The following TCF7L1 variants were observed in gnomAD, a reference collection of about 807,000 sequenced individuals.
TCF7L1 encodes the protein transcription factor 7 like 1.
A neutral mutation model predicts 63.7 loss-of-function variants in TCF7L1; 18 were observed. That is an observed-to-expected ratio of 0.28 (90% CI 0.20 to 0.42). TCF7L1 has a LOEUF of 0.42. Ranked by LOEUF, TCF7L1 falls within the 10% of genes least tolerant of loss-of-function variation. TCF7L1 has a pLI of 1.00. For missense variants in TCF7L1, 654 were observed against 779.3 expected (o/e 0.84, Z 1.91); for synonymous variants, 355 against 340.9 (o/e 1.04, Z -0.46).
intron 3 of TCF7L1, among the ~76,000 whole-genome samples, chr2:85,145,496 C>T (rs1677857012): frequency 6.6e-6 from 1 of 152,218 alleles, no homozygotes; most frequent in Admixed American, 6.5e-5. Flanking sequence ...GGACTACACT[C>T]CCCTCTGTAA....
chr2:85,248,022 T>C (rs1321237724), intron 3 of TCF7L1, among the ~76,000 whole-genome samples: 2 of 152,174 alleles, frequency 1.3e-5, no homozygotes, highest in Admixed American at 6.6e-5. Context: ...TTCTGTTAGC[T>C]CCAAGAATAT....
rs1681022844 is a variant in TCF7L1, at chr2:85,268,024, A to G, written c.442-15471A>G. On this transcript the variant is annotated intron_variant, in intron 3 of 11. Transcript: ENST00000282111. ...GCATCAAGGCCCCCAGCTACAAAAG[A>G]TTAGAATGTTTTTGTTTGTTTTTTA... Among the ~76,000 whole-genome samples, 5 of 152,214 alleles carry G rather than the reference A, an allele frequency of 3.3e-5. No homozygotes were observed. In the South Asian group the frequency reaches 1.0e-3, roughly 31 times the overall value.
chr2:85,151,282 C>G (rs1045959238), intron 3 of TCF7L1, among the ~76,000 whole-genome samples: 2 of 152,132 alleles, frequency 1.3e-5, no homozygotes, highest in African/African-American at 4.8e-5. Context: ...TTTTCACAGT[C>G]TGGATTTTGC....
At chr2:85,279,037 G>A (rs6736366) in intron 3 of TCF7L1, among the ~76,000 whole-genome samples, 92,730 of 152,142 alleles carry the variant, frequency 0.61, 30,196 homozygotes, top group East Asian at 0.84. Flanking sequence ...CATCTTCGCT[G>A]TGGGCTGAAG....
intron 3 of TCF7L1, among the ~76,000 whole-genome samples, chr2:85,220,600 G>A (rs184512397): frequency 3.3e-4 from 50 of 152,000 alleles, no homozygotes; most frequent in African/African-American, 1.1e-3. Context: ...TCTTGACCTC[G>A]TTCTCTACCC....
intron 5 of TCF7L1, 27 bp from the exon 6 acceptor site, chr2:85,303,868 G>A (rs1682041752): frequency 1.9e-6 from 3 of 1,559,260 alleles, no homozygotes; most frequent in Non-Finnish European, 2.6e-6. Flanking sequence ...CGAGGGAACA[G>A]TCTGACATAT....
chr2:85,257,846 G>T (rs983455186), intron 3 of TCF7L1, among the ~76,000 whole-genome samples: 2 of 152,308 alleles, frequency 1.3e-5, no homozygotes, highest in Middle Eastern at 3.4e-3. Flanking sequence ...CGTAGTGAGG[G>T]TTCCACATTA....
At chr2:85,216,625 G>A (rs72840158) in intron 3 of TCF7L1, among the ~76,000 whole-genome samples, 5,596 of 152,158 alleles carry the variant, frequency 0.037, 144 homozygotes, top group Middle Eastern at 0.054. Flanking sequence ...TCAGACCAAC[G>A]TTAGCCCCTT....
chr2:85,185,274 A>G (rs1403380762), intron 3 of TCF7L1, among the ~76,000 whole-genome samples: 1 of 151,018 alleles, frequency 6.6e-6, no homozygotes, highest in Non-Finnish European at 1.5e-5. Context: ...TTTTTTTTTT[A>G]AGAGATGGTG....
At position 85,251,790 on chromosome 2, in the gene TCF7L1, A is replaced by G. The variant is rs77176666; in HGVS notation, c.442-31705A>G. On this transcript the variant is annotated intron_variant, in intron 3 of 11. Coordinates refer to ENST00000282111, the MANE Select transcript of TCF7L1 (RefSeq NM_031283.3). ...TCCGATTGCAATTCAGAGACACTCT[A>G]GGCTAGGTGCAGTGGCTCACGCCTG... Among the ~76,000 whole-genome samples the G allele has an allele frequency of 7.1e-4, 108 of 152,304 alleles. No homozygotes were observed. In the East Asian group the frequency reaches 0.012, roughly 17 times the overall value.
At chr2:85,235,205 G>A (rs531512593) in intron 3 of TCF7L1, among the ~76,000 whole-genome samples, 1 of 152,260 alleles carries the variant, frequency 6.6e-6, no homozygotes, top group South Asian at 2.1e-4. Flanking sequence ...GAGAAAGAAA[G>A]CAAGGAAATG....
chr2:85,277,074 G>A (rs879503628), intron 3 of TCF7L1, among the ~76,000 whole-genome samples: 4 of 152,088 alleles, frequency 2.6e-5, no homozygotes. Context: ...GTGGGGGGCG[G>A]TGAGGGTGGA....
chr2:85,283,608 G>T, intron 4 of TCF7L1, 30 bp downstream of exon 4: 1 of 1,612,694 alleles, frequency 6.2e-7, no homozygotes, highest in Non-Finnish European at 8.5e-7. Context: ...AAGCACCAAA[G>T]GGCCACTATT....
intron 3 of TCF7L1, among the ~76,000 whole-genome samples, chr2:85,263,321 G>GA (rs202192089): frequency 6.6e-6 from 1 of 151,694 alleles, no homozygotes; most frequent in South Asian, 2.1e-4. Context: ...TAGGGTGGAG[G>GA]GGGGGAAGTA....
At position 85,234,131 on chromosome 2, in the gene TCF7L1, CTT is replaced by C. The variant is rs35508338; in HGVS notation, c.442-49343_442-49342del. The stretch of plus-strand genomic sequence containing the variant: ...TTTCATTTCTTTTCTTTTTTCTTTT[CTT>C]TTTTTTTTTTTTTTTTTTTTCGAGA... On this transcript the variant is annotated intron_variant, in intron 3 of 11. Transcript: ENST00000282111. Among the ~76,000 whole-genome samples, 458 of 65,200 alleles carry C rather than the reference CTT, an allele frequency of 7.0e-3. 2 individuals carry two copies. The highest frequency in any genetic ancestry group is 0.033 in the African/African-American group (419 of 12,846). 42.8% of individuals were successfully genotyped at this position (65,200 alleles called of 152,430 possible).
intron 3 of TCF7L1, among the ~76,000 whole-genome samples, chr2:85,145,255 A>G (rs1300697090): frequency 6.6e-6 from 1 of 152,182 alleles, no homozygotes; most frequent in East Asian, 1.9e-4. Context: ...TAAATCTTAG[A>G]TAAATATCTT....
intron 10 of TCF7L1, among the ~76,000 whole-genome samples, chr2:85,307,112 C>T (rs909505685): frequency 7.9e-5 from 12 of 152,142 alleles, no homozygotes; most frequent in Non-Finnish European, 1.2e-4. Context: ...ACTCTGCCCT[C>T]GATTTCATAA....
rs182677111 is a variant in TCF7L1 at position 85,225,459 on chromosome 2, G to A, written c.442-58036G>A. Among the ~76,000 whole-genome samples the A allele has an allele frequency of 2.1e-3, 325 of 152,302 alleles. 1 individual carries two copies. The highest frequency in any genetic ancestry group is 4.0e-3 in the Non-Finnish European group (273 of 68,026). On this transcript the variant is annotated intron_variant, in intron 3 of 11. Transcript: ENST00000282111. ...GTGTCTTCTTTTATTTCGTTGAGCA[G>A]TGGTTTGTAGTTCTCCTTGAAGAGG...
chr2:85,150,433 C>T (rs1677981870), intron 3 of TCF7L1, among the ~76,000 whole-genome samples: 1 of 152,090 alleles, frequency 6.6e-6, no homozygotes. Context: ...GGGATTTCAC[C>T]GTGTTAGACA....
Sources: allele counts gnomAD v4.1 joint callset (sites outside exome capture counted in the v4.1 genomes callset), GRCh38; gene constraint gnomAD v4.1.1; transcripts MANE v1.5; gene names NCBI Gene and HGNC (gene_info 2026-07-23, HGNC 2026-07-21).